Variants in FLT4 observed in about 807,000 individuals in gnomAD.
The protein encoded by FLT4 is fms related receptor tyrosine kinase 4, also known as vascular endothelial growth factor receptor 3.
A neutral mutation model predicts 163.2 loss-of-function variants in FLT4; 30 were observed. That is an observed-to-expected ratio of 0.18 (90% CI 0.14 to 0.25). The LOEUF is 0.25. Among genes scored for constraint, FLT4 ranks in the 10% least tolerant of loss-of-function variants. The probability of loss-of-function intolerance (pLI) is 1.00; values close to 1 mark genes in which losing one functional copy is unlikely to be tolerated. For synonymous variants in FLT4, 884 were observed against 789.5 expected (o/e 1.12, Z -2.01); for missense variants, 1,510 against 1,863.8 (o/e 0.81, Z 3.50).
intron 24 of FLT4, chr5:180,613,756 C>G: frequency 2.2e-6 from 1 of 452,066 alleles, no homozygotes. Flanking sequence ...TCTTGGAGCT[C>G]TTGGAGTAGG....
rs201673893 is a variant in FLT4 at position 180,629,458 on chromosome 5, C to T, written c.817-31G>A. ...CGCACCCAGGGAAGCCCCGCGTCAG[C>T]AGGCGGGCTCCTGCACAGCTACCCC... On this transcript the variant is annotated intron_variant, in intron 6 of 29. Transcript: ENST00000261937. The T allele has an allele frequency of 7.5e-6, 12 of 1,607,680 alleles. No homozygotes were observed. The South Asian group carries it at 1.2e-4, about 16-fold the overall frequency.
rs1472143404 is a variant in FLT4, at chr5:180,630,856, C to T, written c.156-57G>A. On this transcript the variant is annotated intron_variant, in intron 2 of 29. Coordinates refer to ENST00000261937, the MANE Select transcript of FLT4 (RefSeq NM_182925.5). The surrounding 1 kb of genome is among the most constrained non-coding windows in gnomAD (Gnocchi z 6.3). The stretch of plus-strand genomic sequence containing the variant: ...CCAGGGCAGCCCATGGGGACTGTCC[C>T]TGAGAAGCCTCCCTCAGGCCGAGCC... 1 of 1,537,766 alleles carries T rather than the reference C, an allele frequency of 6.5e-7. No individual in the cohort carries two copies. The highest frequency in any genetic ancestry group is 2.3e-5 in the East Asian group (1 of 42,950).
chr5:180,634,368 A>T (rs1764393048), intron 1 of FLT4, among the ~76,000 whole-genome samples: 1 of 152,170 alleles, frequency 6.6e-6, no homozygotes, highest in African/African-American at 2.4e-5. Flanking sequence ...CCTAAGCCCA[A>T]GACAGAGATG....
chr5:180,619,323 G>A lies in FLT4; in HGVS notation c.2691C>T (p.Leu897=), dbSNP rs1217806209. The A allele has an allele frequency of 2.5e-6, 4 of 1,611,438 alleles. No individual in the cohort carries two copies. The highest frequency in any genetic ancestry group is 2.5e-6 in the Non-Finnish European group (3 of 1,179,538). Reference sequence around the variant, plus strand: ...GGTTGCCGATGTGAATGAGGATCTTGAGCTCCGACATCAGCGCGCGGTGCT... The same window carrying A: ...GGTTGCCGATGTGAATGAGGATCTTAAGCTCCGACATCAGCGCGCGGTGCT... ...ASEHRALMSE[L]KILIHIGNHL... Residue 897 remains leucine (L), a synonymous_variant, in exon 19 of 30, where the codon CTC becomes CTT. Coordinates refer to ENST00000261937, the MANE Select transcript of FLT4 (RefSeq NM_182925.5).
At position 180,602,951 on chromosome 5, in the gene FLT4, GA is replaced by G; in HGVS notation, c.*240del. 5.0e-6 allele frequency: 3 copies of G among 597,880 alleles called. No individual in the cohort carries two copies. The highest frequency in any genetic ancestry group is 4.5e-4 in the Middle Eastern group (1 of 2,244). 37.0% of individuals were successfully genotyped at this position (597,880 alleles called of 1,614,324 possible). On this transcript the variant is annotated 3_prime_UTR_variant, in exon 30 of 30. Transcript: ENST00000261937. ...GCGGATGCTGAACTAAATGACATCTGAATCTCAGGGGGAGGGGCCGGGGCAG... is the reference window on the plus strand; with the variant it reads ...GCGGATGCTGAACTAAATGACATCTGATCTCAGGGGGAGGGGCCGGGGCAG...
At position 180,611,585 on chromosome 5, in the gene FLT4, C is replaced by CCTCAGCCCTCGCCCCCGCA. The variant is rs1561696649; in HGVS notation, c.3538-125_3538-107dup. Reference sequence around the variant, plus strand: ...CCCCGCCCTCAGCCCTCACCCCCGCCCTCAGCCCTCGCCCCCGCACTCAGC... The same window carrying CCTCAGCCCTCGCCCCCGCA: ...CCCCGCCCTCAGCCCTCACCCCCGCCCTCAGCCCTCGCCCCCGCACTCAGCCCTCGCCCCCGCACTCAGC... On this transcript the variant is annotated intron_variant, in intron 26 of 29. Transcript: ENST00000261937. The CCTCAGCCCTCGCCCCCGCA allele has an allele frequency of 2.1e-5, 26 of 1,244,218 alleles. No individual in the cohort carries two copies. The African/African-American group carries it at 2.9e-4, about 14-fold the overall frequency. The allele number at this position is 1,244,218 out of a possible 1,614,324, so 77.1% of individuals were successfully genotyped here.
chr5:180,611,363 C>T lies in FLT4; in HGVS notation c.3654G>A (p.Pro1218=), dbSNP rs745672269. ...HIAQADAEDS[P]PSLQRHSLAA... is the part of the protein sequence containing the mutation. ...CCAGGCTGTGGCGCTGCAGGCTTGG[C>T]GGGCTGTCCTCAGCGTCAGCCTGGG... is the stretch of plus-strand genomic sequence containing the variant. Residue 1218 remains proline, a synonymous_variant, in exon 27 of 30, where the codon CCG becomes CCA. Transcript: ENST00000261937. The T allele has an allele frequency of 2.2e-5, 36 of 1,613,674 alleles. No homozygotes were observed. Among genetic ancestry groups the T allele is most frequent in the Non-Finnish European group, 2.9e-5 (34 of 1,179,982 alleles).
chr5:180,613,527 C>T (rs910583766), intron 24 of FLT4: 4 of 246,910 alleles, frequency 1.6e-5, no homozygotes, highest in African/African-American at 9.0e-5. Context: ...TCCTCCCAAC[C>T]CCTGCTGCTC....
At chr5:180,632,764 G>A (rs758521015) in intron 1 of FLT4, among the ~76,000 whole-genome samples, 7 of 152,126 alleles carry the variant, frequency 4.6e-5, no homozygotes, top group Non-Finnish European at 1.0e-4. Flanking sequence ...TGTGTATCTC[G>A]GACATGCTGG....
In FLT4 at chr5:180,613,076, C is replaced by T; in HGVS notation, c.3366G>A (p.Glu1122=). The T allele has an allele frequency of 6.2e-7, 1 of 1,613,756 alleles. No individual in the cohort carries two copies. Among genetic ancestry groups the T allele is most frequent in the Non-Finnish European group, 8.5e-7 (1 of 1,179,812 alleles). The change falls in exon 25 of 30, where the codon GAG becomes GAA. Residue 1122 remains glutamate (E), a synonymous_variant. Transcript: ENST00000261937. ...ASPYPGVQIN[E]EFCQRLRDGT... ...CGTCTCTCAGCCGCTGGCAGAACTCCTCATTGATCTGCACCCCAGGGTACG... is the reference window on the plus strand; with the variant it reads ...CGTCTCTCAGCCGCTGGCAGAACTCTTCATTGATCTGCACCCCAGGGTACG...
intron 19 of FLT4, 63 bp from the exon 20 acceptor site, chr5:180,619,172 G>A (rs1451997322): frequency 1.2e-5 from 15 of 1,300,084 alleles, no homozygotes; most frequent in Non-Finnish European, 1.5e-5. Context: ...GGCGCGCTCC[G>A]CGTTTGCACC....
chr5:180,626,078 G>T (rs201143105), intron 9 of FLT4, 33 bp downstream of exon 9: 1 of 1,612,660 alleles, frequency 6.2e-7, no homozygotes, highest in Non-Finnish European at 8.5e-7. Flanking sequence ...ATGCCAGGCC[G>T]CCCACCCGTG....
chr5:180,614,033 C>G (rs767274198), intron 24 of FLT4, 35 bp downstream of exon 24: 1 of 1,457,564 alleles, frequency 6.9e-7, no homozygotes, highest in African/African-American at 1.4e-5. Context: ...GTGACCTCGC[C>G]TCCTCTCCCC....
rs1217812668 is a variant in FLT4 at position 180,620,922 on chromosome 5, G to A, written c.2253C>T (p.Cys751=). ...EDAGRYLCSV[C]NAKGCVNSSA... ...AGGAGTTGACGCAGCCCTTGGCGTT[G>A]CACACGCTGCACAGATAGCGTCCCG... The change falls in exon 15 of 30, where the codon TGC becomes TGT. Residue 751 remains cysteine, a synonymous_variant. Transcript: ENST00000261937. This position sits in a 1 kb window ranked among gnomAD's most constrained non-coding sequence, Gnocchi z 4.4. The A allele has an allele frequency of 6.2e-7, 1 of 1,609,872 alleles. No homozygotes were observed. The highest frequency in any genetic ancestry group is 1.7e-5 in the Admixed American group (1 of 59,740).
chr5:180,640,995 G>A (rs1228924239), intron 1 of FLT4, among the ~76,000 whole-genome samples: 2 of 152,180 alleles, frequency 1.3e-5, no homozygotes, highest in African/African-American at 4.8e-5. Flanking sequence ...AGGTGAAGGG[G>A]CCGGCATGAG....
chr5:180,615,241 G>A (rs1415773785), intron 23 of FLT4, among the ~76,000 whole-genome samples: 7 of 102,386 alleles, frequency 6.8e-5, no homozygotes, highest in South Asian at 3.5e-4. Context: ...ACTGGGCCCC[G>A]CTGGTCAACT....
rs766358305 is a variant in FLT4 at position 180,614,046 on chromosome 5, C to CG, written c.3331+21dup. The CG allele has an allele frequency of 1.9e-6, 3 of 1,539,074 alleles. No homozygotes were observed. In the African/African-American group the frequency reaches 4.1e-5, roughly 21 times the overall value. On this transcript the variant is annotated intron_variant, in intron 24 of 29. Transcript: ENST00000261937. ...CAGTGACCTCGCCTCCTCTCCCCAC[C>CG]GGCACCCCATCCTGCACTCACCCAG... is the stretch of plus-strand genomic sequence containing the variant.
intron 29 of FLT4, among the ~76,000 whole-genome samples, chr5:180,607,572 C>T (rs868729397): frequency 1.3e-5 from 2 of 149,572 alleles, no homozygotes; most frequent in Admixed American, 1.3e-4. Context: ...ACCCAGGAGG[C>T]GGAGGTTGCA....
At chr5:180,644,468 G>A (rs935610627) in intron 1 of FLT4, among the ~76,000 whole-genome samples, 4 of 152,248 alleles carry the variant, frequency 2.6e-5, no homozygotes, top group African/African-American at 7.2e-5. Context: ...GGCATTCCCT[G>A]GGGAATGTGG....
Sources: allele counts gnomAD v4.1 joint callset (sites outside exome capture counted in the v4.1 genomes callset), GRCh38; gene constraint gnomAD v4.1.1; non-coding constraint Gnocchi (gnomAD v3.1); transcripts MANE v1.5; gene names NCBI Gene and HGNC (gene_info 2026-07-23, HGNC 2026-07-21).